Variants in ENPP3 observed in about 807,000 individuals in gnomAD.
ENPP3 encodes the protein ectonucleotide pyrophosphatase/phosphodiesterase family member 3.
Under a neutral mutation model 117.8 loss-of-function variants are expected in ENPP3, and 104 were observed. The observed-to-expected ratio is 0.88, with a 90% CI of 0.75 to 1.04. The LOEUF (loss-of-function observed/expected upper bound fraction) is 1.04, where lower values mean the gene tolerates loss of function less well. ENPP3 is among the 50% of genes least tolerant of loss of function. ENPP3 has a pLI of 0.00. For missense variants in ENPP3, 1,026 were observed against 1,051.9 expected, an observed-to-expected ratio of 0.98 and a Z score of 0.34; for synonymous variants, 380 against 349.9, an observed-to-expected ratio of 1.09 and a Z score of -0.96.
rs571242583 is a variant in ENPP3 at position 131,743,991 on chromosome 6, T to C, written c.2458-2795T>C. ...ATTTGGATAGGTAATTGTGCTTTGA[T>C]GCACCTGATAAAATAGATGGCTGGC... On this transcript the variant is annotated intron_variant, in intron 24 of 24. Coordinates refer to ENST00000357639, the MANE Select transcript of ENPP3 (RefSeq NM_005021.5). 2.6e-5 allele frequency among the ~76,000 whole-genome samples: 4 copies of C among 152,338 alleles called. No homozygotes were observed. The South Asian group carries it at 8.3e-4, about 32-fold the overall frequency.
chr6:131,726,002 G>T, intron 19 of ENPP3, 44 bp from the exon 20 acceptor site: 1 of 1,411,022 alleles, frequency 7.1e-7, no homozygotes, highest in South Asian at 1.2e-5. Context: ...AGAAGCATTT[G>T]CTAATTTCAT....
At chr6:131,637,561 A>T in intron 1 of ENPP3, 99 bp downstream of exon 1, 2 of 646,670 alleles carry the variant, frequency 3.1e-6, no homozygotes, top group Non-Finnish European at 5.1e-6. Flanking sequence ...ATTAAAATGT[A>T]AACTTTTAAG....
chr6:131,663,296 AT>A (rs905602093), intron 6 of ENPP3, among the ~76,000 whole-genome samples: 116 of 151,508 alleles, frequency 7.7e-4, no homozygotes, highest in Non-Finnish European at 1.2e-3. Flanking sequence ...ATGTTGAAGT[AT>A]TTTTTTTCTA....
chr6:131,676,086 G>T (rs1377875695), intron 9 of ENPP3, among the ~76,000 whole-genome samples: 1 of 151,992 alleles, frequency 6.6e-6, no homozygotes, highest in Non-Finnish European at 1.5e-5. Flanking sequence ...ACATTGCACT[G>T]GCTGTTCACC....
chr6:131,717,369 T>TATTTGCCCTTGGGGTGAGAG (rs1779919971), intron 15 of ENPP3, among the ~76,000 whole-genome samples: 1 of 141,542 alleles, frequency 7.1e-6, no homozygotes, highest in African/African-American at 2.9e-5. Context: ...TGTGTGTGTG[T>TATTTGCCCTTGGGGTGAGAG]GTGTGTGTGT....
intron 20 of ENPP3, among the ~76,000 whole-genome samples, chr6:131,731,035 C>G (rs1412007401): frequency 6.6e-6 from 1 of 152,018 alleles, no homozygotes; most frequent in Non-Finnish European, 1.5e-5. Context: ...CAACTTCATC[C>G]TCTAGATCTT....
At chr6:131,693,460 C>G in intron 14 of ENPP3, 37 bp from the exon 15 acceptor site, 1 of 1,581,494 alleles carries the variant, frequency 6.3e-7, no homozygotes, top group Non-Finnish European at 8.6e-7. Flanking sequence ...ATTTGCATAT[C>G]TTATGTATCA....
At chr6:131,739,619 T>G (rs34080035) in intron 23 of ENPP3, among the ~76,000 whole-genome samples, 3 of 132,546 alleles carry the variant, frequency 2.3e-5, no homozygotes, top group Middle Eastern at 3.8e-3. Context: ...TTTTTTTTTG[T>G]ATTCTAACAT....
chr6:131,692,951 AC>A (rs1199080762), intron 14 of ENPP3, among the ~76,000 whole-genome samples: 3 of 145,860 alleles, frequency 2.1e-5, no homozygotes, highest in South Asian at 4.2e-4. Flanking sequence ...TATATATTAT[AC>A]ACTATATATG....
At chr6:131,701,320 C>T in intron 15 of ENPP3, 1 of 1,611,340 alleles carries the variant, frequency 6.2e-7, no homozygotes, top group Non-Finnish European at 8.5e-7. Flanking sequence ...GAGAAGAGCC[C>T]AAAGAGGAGC....
At chr6:131,689,718 CTA>C (rs1458467968) in intron 14 of ENPP3, among the ~76,000 whole-genome samples, 4 of 152,120 alleles carry the variant, frequency 2.6e-5, no homozygotes, top group Non-Finnish European at 5.9e-5. Context: ...TTTCATAAGA[CTA>C]TTGTCATAAA....
At position 131,720,183 on chromosome 6, in the gene ENPP3, C is replaced by T. The variant is rs546063803; in HGVS notation, c.1480-109C>T. 3 of 628,404 alleles carry T rather than the reference C, an allele frequency of 4.8e-6. No homozygotes were observed. The African/African-American group carries it at 5.6e-5, about 12-fold the overall frequency. The allele number at this position is 628,404 out of a possible 1,614,324, so 38.9% of individuals were successfully genotyped here. ...ACTAAAAAAAAATTCCTTACAGAGGCCTAATACAAATAGGAGAGTAGTTAC... is the reference window on the plus strand; with the variant it reads ...ACTAAAAAAAAATTCCTTACAGAGGTCTAATACAAATAGGAGAGTAGTTAC... On this transcript the variant is annotated intron_variant, in intron 16 of 24. Coordinates refer to ENST00000357639, the MANE Select transcript of ENPP3 (RefSeq NM_005021.5).
At chr6:131,731,679 C>T (rs1780284713) in intron 20 of ENPP3, among the ~76,000 whole-genome samples, 2 of 152,116 alleles carry the variant, frequency 1.3e-5, no homozygotes, top group African/African-American at 2.4e-5. Context: ...CTTTAGGACT[C>T]CAAGTTCTAC....
chr6:131,742,079 C>A (rs1780537890), intron 24 of ENPP3, among the ~76,000 whole-genome samples: 1 of 151,750 alleles, frequency 6.6e-6, no homozygotes, highest in African/African-American at 2.4e-5. Context: ...TACGATTTTA[C>A]TTGAGTGTTT....
chr6:131,734,321 C>T (rs1471461384), intron 21 of ENPP3, among the ~76,000 whole-genome samples: 1 of 152,058 alleles, frequency 6.6e-6, no homozygotes, highest in East Asian at 1.9e-4. Context: ...TCTTGGGAAC[C>T]TGCCAAAGCT....
chr6:131,652,747 CA>C (rs1177992863), intron 4 of ENPP3, 80 bp downstream of exon 4: 1 of 1,596,760 alleles, frequency 6.3e-7, no homozygotes, highest in East Asian at 2.2e-5. Context: ...TGCTAGGCTG[CA>C]AAAATCAAAA....
intron 10 of ENPP3, among the ~76,000 whole-genome samples, chr6:131,677,624 A>C (rs1252707855): frequency 6.6e-6 from 1 of 152,206 alleles, no homozygotes; most frequent in East Asian, 1.9e-4. Flanking sequence ...AACTGCAAGA[A>C]CAAAACAGAG....
chr6:131,667,839 A>G (rs573349626), intron 6 of ENPP3, among the ~76,000 whole-genome samples: 2 of 152,228 alleles, frequency 1.3e-5, no homozygotes, highest in Admixed American at 6.5e-5. Context: ...AAGATTTCCT[A>G]TTCTGTTATC....
At chr6:131,701,317 G>A (rs2114475195) in intron 15 of ENPP3, 1 of 1,610,390 alleles carries the variant, frequency 6.2e-7, no homozygotes, top group South Asian at 1.1e-5. Flanking sequence ...AGGGAGAAGA[G>A]CCCAAAGAGG....
Sources: gnomAD v4.1 joint callset for allele counts (sites outside exome capture counted in the v4.1 genomes callset) on GRCh38, gnomAD v4.1.1 for gene constraint, MANE v1.5 for transcripts, NCBI Gene and HGNC (gene_info 2026-07-23, HGNC 2026-07-21) for gene names.